HS3ST3A1: variants seen among roughly 807,000 people sequenced by gnomAD.
HS3ST3A1 encodes heparan sulfate-glucosamine 3-sulfotransferase 3A1.
A neutral mutation model predicts 25.7 loss-of-function variants in HS3ST3A1; 19 were observed. The observed-to-expected ratio is 0.74, with a 90% CI of 0.52 to 1.08. The LOEUF (loss-of-function observed/expected upper bound fraction) is 1.08, where lower values mean the gene tolerates loss of function less well. HS3ST3A1 is among the 50% of genes least tolerant of loss of function. The pLI is 0.00. For synonymous variants in HS3ST3A1, 226 were observed against 278.6 expected (o/e 0.81, Z 1.88); for missense variants, 459 against 594.3 (o/e 0.77, Z 2.37).
At chr17:13,526,477 TATATATATATATA>T (rs1567614522) in intron 1 of HS3ST3A1, among the ~76,000 whole-genome samples, 455 of 35,222 alleles carry the variant, frequency 0.013, 4 homozygotes, top group African/African-American at 0.048. Context: ...TTAATTTTTA[TATATATATATATA>T]TATATATATA....
At chr17:13,568,007 G>C (rs988395503) in intron 1 of HS3ST3A1, among the ~76,000 whole-genome samples, 1 of 152,332 alleles carries the variant, frequency 6.6e-6, no homozygotes, top group African/African-American at 2.4e-5. Context: ...GCATGCTGCA[G>C]AGAAATCTTT....
chr17:13,556,541 A>AATAAAATAAAATAAAATAAG (rs10525412), intron 1 of HS3ST3A1, among the ~76,000 whole-genome samples: 43 of 147,884 alleles, frequency 2.9e-4, no homozygotes, highest in African/African-American at 1.1e-3. Context: ...AATAAAATAA[A>AATAAAATAAAATAAAATAAG]TAGATAAAAA....
intron 1 of HS3ST3A1, among the ~76,000 whole-genome samples, chr17:13,501,564 A>C (rs947214515): frequency 3.9e-5 from 6 of 152,160 alleles, no homozygotes; most frequent in Non-Finnish European, 7.4e-5. Flanking sequence ...GATCTCAAAT[A>C]TAAAAACGAG....
chr17:13,541,376 G>A (rs1320646630), intron 1 of HS3ST3A1, among the ~76,000 whole-genome samples: 1 of 152,082 alleles, frequency 6.6e-6, no homozygotes, highest in Non-Finnish European at 1.5e-5. Flanking sequence ...AAAAGGTTAG[G>A]AATTAAAGAC....
intron 1 of HS3ST3A1, among the ~76,000 whole-genome samples, chr17:13,534,727 T>C (rs1156967825): frequency 6.6e-6 from 1 of 151,724 alleles, no homozygotes; most frequent in Non-Finnish European, 1.5e-5. Flanking sequence ...ACACCCTGTC[T>C]CAAAAAAATA....
At chr17:13,512,256 G>A (rs1018331512) in intron 1 of HS3ST3A1, among the ~76,000 whole-genome samples, 1 of 139,350 alleles carries the variant, frequency 7.2e-6, no homozygotes, top group Non-Finnish European at 1.5e-5. Flanking sequence ...CCGAGATTGC[G>A]CCACTGCAGT....
intron 1 of HS3ST3A1, among the ~76,000 whole-genome samples, chr17:13,587,721 T>C (rs985067380): frequency 6.6e-6 from 1 of 151,884 alleles, no homozygotes; most frequent in African/African-American, 2.4e-5. Flanking sequence ...TCAAAACAGA[T>C]GATTAAGCTT....
intron 1 of HS3ST3A1, 107 bp from the exon 2 acceptor site, chr17:13,496,925 C>CT (rs1905303737): frequency 6.9e-7 from 1 of 1,458,406 alleles, no homozygotes; most frequent in Non-Finnish European, 9.2e-7. Flanking sequence ...CCCCCGCAAC[C>CT]CCCCACTTGC....
At chr17:13,591,927 C>A (rs952362060) in intron 1 of HS3ST3A1, among the ~76,000 whole-genome samples, 1 of 152,036 alleles carries the variant, frequency 6.6e-6, no homozygotes, top group Non-Finnish European at 1.5e-5. Flanking sequence ...CCCAAAGTGC[C>A]GGGATTCCAG....
chr17:13,554,200 A>C lies in HS3ST3A1; in HGVS notation c.599+46331T>G, dbSNP rs372629004. Among the ~76,000 whole-genome samples, 286 of 152,292 alleles carry C rather than the reference A, an allele frequency of 1.9e-3. 2 individuals carry two copies. Among genetic ancestry groups the C allele is most frequent in the African/African-American group, 6.6e-3 (274 of 41,574 alleles). ...TGAGTGGCTAGTCTGTGTTCTAGGC[A>C]GAGGCTTGGCAAGACTACTGGTCCA... is the stretch of plus-strand genomic sequence containing the variant. On this transcript the variant is annotated intron_variant, in intron 1 of 1. Transcript: ENST00000284110.
At chr17:13,515,254 G>A (rs961315698) in intron 1 of HS3ST3A1, among the ~76,000 whole-genome samples, 1 of 152,150 alleles carries the variant, frequency 6.6e-6, no homozygotes, top group Admixed American at 6.5e-5. Flanking sequence ...CCACCTCTTG[G>A]GTTCAGGCGA....
chr17:13,594,576 C>A (rs1226775549), intron 1 of HS3ST3A1, among the ~76,000 whole-genome samples: 1 of 152,156 alleles, frequency 6.6e-6, no homozygotes, highest in African/African-American at 2.4e-5. Context: ...TTGAAGCTGG[C>A]TTTCAGACAC....
chr17:13,543,516 G>A (rs1271892891), intron 1 of HS3ST3A1: 1 of 167,890 alleles, frequency 6.0e-6, no homozygotes, highest in East Asian at 2.0e-4. Context: ...AAGACATTAT[G>A]GCTGTTTTTA....
rs541328060 is a variant in HS3ST3A1 at position 13,525,506 on chromosome 17, C to T, written c.600-28688G>A. Among the ~76,000 whole-genome samples the T allele has an allele frequency of 6.6e-5, 10 of 152,176 alleles. No homozygotes were observed. In the South Asian group the frequency reaches 2.1e-3, roughly 32 times the overall value. ...TTGATTAAACTTTTCTCCTTGGAATCAGGATACATTTAGGCCACTTTCATT... is the reference window on the plus strand; with the variant it reads ...TTGATTAAACTTTTCTCCTTGGAATTAGGATACATTTAGGCCACTTTCATT... On this transcript the variant is annotated intron_variant, in intron 1 of 1. Transcript: ENST00000284110.
chr17:13,560,967 G>A (rs1325936997), intron 1 of HS3ST3A1, among the ~76,000 whole-genome samples: 1 of 152,112 alleles, frequency 6.6e-6, no homozygotes, highest in Admixed American at 6.5e-5. Context: ...GGGAGAGGTG[G>A]GCACAGAAGA....
At chr17:13,558,153 C>A (rs1423161372) in intron 1 of HS3ST3A1, among the ~76,000 whole-genome samples, 1 of 152,196 alleles carries the variant, frequency 6.6e-6, no homozygotes, top group Non-Finnish European at 1.5e-5. Context: ...AGGCTCGAGC[C>A]TGTAGCTCCT....
intron 1 of HS3ST3A1, among the ~76,000 whole-genome samples, chr17:13,554,078 A>G (rs977213519): frequency 1.5e-4 from 23 of 152,338 alleles, no homozygotes; most frequent in African/African-American, 4.8e-4. Flanking sequence ...AGAGACTCAA[A>G]AAAAGTCACA....
intron 1 of HS3ST3A1, among the ~76,000 whole-genome samples, chr17:13,510,385 A>G (rs779113247): frequency 6.6e-6 from 1 of 152,212 alleles, no homozygotes. Flanking sequence ...CAAATCAACA[A>G]TCTAAGGAGA....
chr17:13,518,387 G>A (rs1052030992), intron 1 of HS3ST3A1, among the ~76,000 whole-genome samples: 1 of 152,118 alleles, frequency 6.6e-6, no homozygotes, highest in African/African-American at 2.4e-5. Flanking sequence ...ATAGTATTAG[G>A]TTACAAAACA....
Sources: gnomAD v4.1 joint callset for allele counts (sites outside exome capture counted in the v4.1 genomes callset) on GRCh38, gnomAD v4.1.1 for gene constraint, MANE v1.5 for transcripts, NCBI Gene and HGNC (gene_info 2026-07-23, HGNC 2026-07-21) for gene names.